CD226: variants seen among roughly 807,000 people sequenced by gnomAD.
The protein encoded by CD226 is CD226 antigen.
A neutral mutation model predicts 34.9 loss-of-function variants in CD226; 24 were observed. The ratio of observed to expected loss-of-function variants is 0.69; its 90% CI spans 0.50 to 0.97. The LOEUF is 0.97. Ranked by LOEUF, CD226 falls within the 50% of genes least tolerant of loss-of-function variation. The probability of loss-of-function intolerance (pLI) is 0.00; values close to 1 mark genes in which losing one functional copy is unlikely to be tolerated. For missense variants in CD226, 397 were observed against 412.7 expected, an observed-to-expected ratio of 0.96 and a Z score of 0.33; for synonymous variants, 148 against 147.4, an observed-to-expected ratio of 1.00 and a Z score of -0.03.
intron 2 of CD226, among the ~76,000 whole-genome samples, chr18:69,926,783 T>C (rs2055527539): frequency 6.6e-6 from 1 of 152,232 alleles, no homozygotes; most frequent in African/African-American, 2.4e-5. Flanking sequence ...ACATGAGTAC[T>C]TTCTATACAT....
intron 2 of CD226, among the ~76,000 whole-genome samples, chr18:69,932,982 C>T (rs73972929): frequency 1.1e-3 from 160 of 152,218 alleles, no homozygotes; most frequent in African/African-American, 3.7e-3. Context: ...AATTAAAGAG[C>T]GGGGAAATGG....
At chr18:69,945,926 T>A (rs1403841738) in intron 2 of CD226, among the ~76,000 whole-genome samples, 3 of 151,908 alleles carry the variant, frequency 2.0e-5, no homozygotes, top group Non-Finnish European at 2.9e-5. Flanking sequence ...TTTTAAACCA[T>A]CAGATCTCAT....
chr18:69,937,506 T>C (rs1599024858), intron 2 of CD226, among the ~76,000 whole-genome samples: 2 of 152,194 alleles, frequency 1.3e-5, no homozygotes, highest in East Asian at 3.9e-4. Context: ...CTTATTTTTT[T>C]GCCTCAAATA....
chr18:69,916,917 T>A (rs186235681), intron 2 of CD226, among the ~76,000 whole-genome samples: 12 of 152,326 alleles, frequency 7.9e-5, no homozygotes, highest in Admixed American at 2.0e-4. Flanking sequence ...TCTCCCCACA[T>A]GACCTGCTAT....
intron 4 of CD226, among the ~76,000 whole-genome samples, chr18:69,871,899 G>A (rs1452910803): frequency 3.3e-5 from 5 of 152,150 alleles, no homozygotes; most frequent in Admixed American, 2.6e-4. Flanking sequence ...TTCAGAAGAA[G>A]ACCCAGGGAA....
intron 4 of CD226, among the ~76,000 whole-genome samples, chr18:69,871,232 C>T (rs1983502936): frequency 6.6e-6 from 1 of 152,110 alleles, no homozygotes; most frequent in Non-Finnish European, 1.5e-5. Flanking sequence ...TTTCCCATTG[C>T]CAAGGTGAAA....
chr18:69,889,057 A>T (rs1286681126), intron 3 of CD226, among the ~76,000 whole-genome samples: 1 of 152,194 alleles, frequency 6.6e-6, no homozygotes, highest in Non-Finnish European at 1.5e-5. Context: ...TCATTAAAAA[A>T]AATGATCTGG....
At chr18:69,894,718 G>C (rs558975018) in intron 3 of CD226, among the ~76,000 whole-genome samples, 1 of 151,380 alleles carries the variant, frequency 6.6e-6, no homozygotes, top group Non-Finnish European at 1.5e-5. Flanking sequence ...TCCGTGTCCC[G>C]ACAGTGAGGA....
chr18:69,931,190 C>A (rs2055584885), intron 2 of CD226, among the ~76,000 whole-genome samples: 1 of 151,806 alleles, frequency 6.6e-6, no homozygotes, highest in South Asian at 2.1e-4. Context: ...AATGAGAACA[C>A]ATGGACACAG....
intron 2 of CD226, among the ~76,000 whole-genome samples, chr18:69,931,582 C>T (rs571713586): frequency 2.2e-4 from 33 of 152,138 alleles, no homozygotes; most frequent in African/African-American, 7.5e-4. Context: ...GTAGAGAGAC[C>T]GACAGAACCA....
At chr18:69,876,665 A>C (rs1983881273) in intron 3 of CD226, among the ~76,000 whole-genome samples, 1 of 152,078 alleles carries the variant, frequency 6.6e-6, no homozygotes, top group Admixed American at 6.5e-5. Context: ...TCTGTGACCA[A>C]AGGTGTGGGT....
At chr18:69,872,317 G>A (rs1983586131) in intron 4 of CD226, among the ~76,000 whole-genome samples, 1 of 152,092 alleles carries the variant, frequency 6.6e-6, no homozygotes, top group African/African-American at 2.4e-5. Context: ...CTACACAAGT[G>A]AGCTGATAAG....
chr18:69,908,969 G>GCCACTTATCCTGTGATA (rs2055290385), intron 2 of CD226, among the ~76,000 whole-genome samples: 1 of 152,184 alleles, frequency 6.6e-6, no homozygotes, highest in Non-Finnish European at 1.5e-5. Context: ...ATCCTGTGAT[G>GCCACTTATCCTGTGATA]CCACTTATCC....
At chr18:69,919,828 TAAG>T (rs1393125280) in intron 2 of CD226, among the ~76,000 whole-genome samples, 3 of 151,952 alleles carry the variant, frequency 2.0e-5, no homozygotes, top group Admixed American at 1.3e-4. Context: ...TCGGTTACTA[TAAG>T]AAGCATGAGT....
At chr18:69,927,656 T>C (rs1219692067) in intron 2 of CD226, among the ~76,000 whole-genome samples, 1 of 152,234 alleles carries the variant, frequency 6.6e-6, no homozygotes, top group Admixed American at 6.5e-5. Context: ...ACTGGCTTTG[T>C]TCATTTGGAA....
rs1293442909 is a variant in CD226 at position 69,859,319 on chromosome 18, T to C, written c.*4995A>G. Reference sequence around the variant, plus strand: ...GAGTTTCAGGTCAATTTATGGTAAATACAGAAAAAGTCAGTCCCCAGAATG... The same window carrying C: ...GAGTTTCAGGTCAATTTATGGTAAACACAGAAAAAGTCAGTCCCCAGAATG... On this transcript the variant is annotated 3_prime_UTR_variant, in exon 6 of 6. Transcript: ENST00000582621. 1.3e-5 allele frequency: 2 copies of C among 151,938 alleles called. No individual in the cohort carries two copies. The highest frequency in any genetic ancestry group is 2.9e-5 in the Non-Finnish European group (2 of 67,980). The allele number at this position is 151,938 out of a possible 1,614,324, so 9.4% of individuals were successfully genotyped here.
At chr18:69,942,839 C>A (rs1015386701) in intron 2 of CD226, among the ~76,000 whole-genome samples, 1 of 152,206 alleles carries the variant, frequency 6.6e-6, no homozygotes, top group Non-Finnish European at 1.5e-5. Context: ...TACACCTCCA[C>A]TGTGCCCTTC....
intron 3 of CD226, among the ~76,000 whole-genome samples, chr18:69,875,796 G>A: frequency 6.6e-6 from 1 of 152,198 alleles, no homozygotes; most frequent in Admixed American, 6.5e-5. Flanking sequence ...TTATGTAAGT[G>A]AAATAAGCCA....
At chr18:69,873,009 T>C in intron 4 of CD226, 135 bp downstream of exon 4, 1 of 624,164 alleles carries the variant, frequency 1.6e-6, no homozygotes. Flanking sequence ...CCACAGCTAC[T>C]TCTCCTCCTT....
Sources: gnomAD v4.1 joint callset for allele counts (sites outside exome capture counted in the v4.1 genomes callset) on GRCh38, gnomAD v4.1.1 for gene constraint, MANE v1.5 for transcripts, NCBI Gene and HGNC (gene_info 2026-07-23, HGNC 2026-07-21) for gene names.